SPTAN1: variants seen among roughly 807,000 people sequenced by gnomAD.
The protein encoded by SPTAN1 is spectrin alpha chain, non-erythrocytic 1.
In SPTAN1, 61 loss-of-function variants were observed where a neutral mutation model predicts 331.3. The ratio of observed to expected loss-of-function variants is 0.18; its 90% CI spans 0.15 to 0.23. SPTAN1 has a LOEUF of 0.23. Among genes scored for constraint, SPTAN1 ranks in the 10% least tolerant of loss-of-function variants. The pLI, the probability that SPTAN1 is intolerant of heterozygous loss-of-function variation, is 1.00. For synonymous variants in SPTAN1, 1,153 were observed against 1,173.9 expected, an observed-to-expected ratio of 0.98 and a Z score of 0.36; for missense variants, 2,043 against 3,147.9, an observed-to-expected ratio of 0.65 and a Z score of 8.40.
intron 35 of SPTAN1, 23 bp from the exon 36 acceptor site, chr9:128,609,099 A>T (rs943755939): frequency 6.2e-7 from 1 of 1,614,150 alleles, no homozygotes; most frequent in Non-Finnish European, 8.5e-7. Context: ...CTCATGTTGG[A>T]TCTCATGGTT....
Position 128,576,710 on chromosome 9 carries a change from A to T in SPTAN1, c.652-113A>T. On this transcript the variant is annotated intron_variant, in intron 5 of 56. Coordinates refer to ENST00000372739, the MANE Select transcript of SPTAN1 (RefSeq NM_001130438.3). ...ATCATGTTGACCATTATTTCTTGTG[A>T]TTCTCTTCAGAGTGGTGATTTGCTG... 5 of 1,377,174 alleles carry T rather than the reference A, an allele frequency of 3.6e-6. No homozygotes were observed. The South Asian group carries it at 5.0e-5, about 14-fold the overall frequency. 85.3% of individuals were successfully genotyped at this position (1,377,174 alleles called of 1,614,324 possible).
intron 24 of SPTAN1, among the ~76,000 whole-genome samples, chr9:128,597,877 C>T (rs1854521939): frequency 1.3e-5 from 2 of 152,142 alleles, no homozygotes; most frequent in Non-Finnish European, 2.9e-5. Flanking sequence ...TCTTGGACTC[C>T]TGACCTCGTG....
intron 1 of SPTAN1, among the ~76,000 whole-genome samples, chr9:128,560,157 C>A (rs1182129395): frequency 2.0e-5 from 3 of 147,074 alleles, no homozygotes; most frequent in Non-Finnish European, 1.5e-5. Flanking sequence ...GATCTTGGCT[C>A]ACTGCAACCT....
Position 128,597,180 on chromosome 9 carries a change from A to T in SPTAN1, c.3415-1220A>T, listed in dbSNP as rs1854421883. Among the ~76,000 whole-genome samples, 7 of 152,098 alleles carry T rather than the reference A, an allele frequency of 4.6e-5. No homozygotes were observed. The South Asian group carries it at 1.5e-3, about 32-fold the overall frequency. ...GTCTCATTAGAGAAAAAAAAGAAAA[A>T]AAATTTTTCTGTAGAGATAGGGGTC... On this transcript the variant is annotated intron_variant, in intron 24 of 56. Coordinates refer to ENST00000372739, the MANE Select transcript of SPTAN1 (RefSeq NM_001130438.3).
chr9:128,593,357 C>T (rs1202496970), intron 23 of SPTAN1: 7 of 422,320 alleles, frequency 1.7e-5, no homozygotes, highest in Non-Finnish European at 2.2e-5. Flanking sequence ...CTATAGTTTT[C>T]CTTAGTAGGA....
intron 1 of SPTAN1, among the ~76,000 whole-genome samples, chr9:128,564,811 GAA>G (rs1474558087): frequency 6.6e-6 from 1 of 152,174 alleles, no homozygotes; most frequent in African/African-American, 2.4e-5. Context: ...TCTAGGCAAA[GAA>G]GAGTCATAGG....
Position 128,577,470 on chromosome 9 carries a change from C to T in SPTAN1, c.1049C>T (p.Ala350Val), listed in dbSNP as rs765337732. 4.3e-6 allele frequency: 7 copies of T among 1,614,072 alleles called. No individual in the cohort carries two copies. The highest frequency in any genetic ancestry group is 1.7e-5 in the Admixed American group (1 of 60,016). Residue 350 changes from alanine (A) to valine (V), a missense_variant, in exon 8 of 57, where the codon GCG (alanine) becomes GTG (valine). Physicochemically the swap from Ala to Val is moderately conservative, Grantham distance 64. This residue lies in a region of SPTAN1 where 1,038 missense variants were observed against 1,531.5 expected (regional missense o/e 0.68). Coordinates refer to ENST00000372739, the MANE Select transcript of SPTAN1 (RefSeq NM_001130438.3). The surrounding 1 kb of genome is among the most constrained non-coding windows in gnomAD (Gnocchi z 4.2). ...ITNWEQIRTL[A>V]AERHARLNDS... is the part of the protein sequence containing the mutation. ...AACTGGGAGCAGATCCGCACCTTGG[C>T]GGCAGAGAGACATGCACGGCTCAAT...
chr9:128,566,601 T>C, intron 1 of SPTAN1, 137 bp from the exon 2 acceptor site: 4 of 1,326,898 alleles, frequency 3.0e-6, no homozygotes, highest in Non-Finnish European at 4.2e-6. Context: ...TCATTGTTCC[T>C]AAGAAGGGGC....
chr9:128,592,849 A>G, intron 22 of SPTAN1, 134 bp from the exon 23 acceptor site: 3 of 808,922 alleles, frequency 3.7e-6, no homozygotes, highest in Non-Finnish European at 6.4e-6. Context: ...TGCTCCTTAG[A>G]CCTGTTGAAT....
chr9:128,598,273 CCT>C, intron 24 of SPTAN1, 125 bp from the exon 25 acceptor site: 4 of 733,142 alleles, frequency 5.5e-6, no homozygotes, highest in South Asian at 3.2e-5. Context: ...TTAATCCCCC[CCT>C]TTTTTTTTTT....
Position 128,629,761 on chromosome 9 carries a change from T to C in SPTAN1, c.6708-560T>C. The C allele has an allele frequency of 4.6e-6, 1 of 217,364 alleles. No homozygotes were observed. The highest frequency in any genetic ancestry group is 7.1e-5 in the South Asian group (1 of 13,988). The allele number at this position is 217,364 out of a possible 1,614,324, so 13.5% of individuals were successfully genotyped here. On this transcript the variant is annotated intron_variant, in intron 51 of 56. Coordinates refer to ENST00000372739, the MANE Select transcript of SPTAN1 (RefSeq NM_001130438.3). This position sits in a 1 kb window ranked among gnomAD's most constrained non-coding sequence, Gnocchi z 4.9. ...GATCTGGGGTTTAGTCACAGCCATCTCTCTCCTTTTGGCACAGTTGGTCGT... is the reference window on the plus strand; with the variant it reads ...GATCTGGGGTTTAGTCACAGCCATCCCTCTCCTTTTGGCACAGTTGGTCGT...
At chr9:128,575,556 C>T (rs1172543475) in intron 5 of SPTAN1, among the ~76,000 whole-genome samples, 1 of 152,146 alleles carries the variant, frequency 6.6e-6, no homozygotes, top group Non-Finnish European at 1.5e-5. Context: ...GCAGGAAGGG[C>T]AGAGTTCATT....
chr9:128,615,160 C>G (rs537864584), intron 40 of SPTAN1, among the ~76,000 whole-genome samples: 1 of 152,278 alleles, frequency 6.6e-6, no homozygotes, highest in African/African-American at 2.4e-5. Context: ...GACAGGCTCA[C>G]TTTATTTATT....
At chr9:128,592,253 G>A (rs186163057) in intron 22 of SPTAN1, among the ~76,000 whole-genome samples, 292 of 148,140 alleles carry the variant, frequency 2.0e-3, no homozygotes, top group Non-Finnish European at 3.2e-3. Context: ...ATAGAGATAA[G>A]AATGGGAGGT....
rs751593832 is a variant in SPTAN1 at position 128,568,748 on chromosome 9, G to A, written c.238-24G>A. 2.5e-6 allele frequency: 4 copies of A among 1,613,582 alleles called. No individual in the cohort carries two copies. In the East Asian group the frequency reaches 6.7e-5, roughly 27 times the overall value. On this transcript the variant is annotated intron_variant, in intron 2 of 56. Transcript: ENST00000372739. Reference sequence around the variant, plus strand: ...CTGATGCTGTGTGGTTGCGTCTGAGGCTCACTTCAAGGTCCGCCAACAGGG... The same window carrying A: ...CTGATGCTGTGTGGTTGCGTCTGAGACTCACTTCAAGGTCCGCCAACAGGG...
intron 3 of SPTAN1, among the ~76,000 whole-genome samples, chr9:128,572,031 G>A (rs1179774531): frequency 6.6e-6 from 1 of 151,878 alleles, no homozygotes; most frequent in African/African-American, 2.4e-5. Flanking sequence ...TATTTTTTTT[G>A]TATTTTTAGT....
At chr9:128,618,840 G>A in intron 43 of SPTAN1, 31 bp from the exon 44 acceptor site, 1 of 1,614,034 alleles carries the variant, frequency 6.2e-7, no homozygotes, top group Non-Finnish European at 8.5e-7. Flanking sequence ...AGGAGATTAT[G>A]GCTGATTTTC....
intron 9 of SPTAN1, among the ~76,000 whole-genome samples, chr9:128,579,240 A>G (rs1851664163): frequency 6.6e-6 from 1 of 152,224 alleles, no homozygotes. Context: ...GAAGAAAAAA[A>G]TTCAAAAAAA....
chr9:128,619,423 G>A (rs1277037228), intron 44 of SPTAN1, among the ~76,000 whole-genome samples: 1 of 152,226 alleles, frequency 6.6e-6, no homozygotes, highest in Non-Finnish European at 1.5e-5. Context: ...CAAGAAGCAG[G>A]CAGGACCATG....
Sources: gnomAD v4.1 joint callset for allele counts (sites outside exome capture counted in the v4.1 genomes callset) on GRCh38, gnomAD v4.1.1 for gene constraint, gnomAD v4.1.1 regional missense constraint, Gnocchi (gnomAD v3.1) non-coding constraint, MANE v1.5 for transcripts, NCBI Gene and HGNC (gene_info 2026-07-23, HGNC 2026-07-21) for gene names.